The following DMD variants were observed in gnomAD, a reference collection of about 807,000 sequenced individuals.
DMD encodes the protein mutant dystrophin.
In DMD, 63 loss-of-function variants were observed where a neutral mutation model predicts 330.1. The observed-to-expected ratio is 0.19, with a 90% CI of 0.16 to 0.24. The LOEUF (loss-of-function observed/expected upper bound fraction) is 0.24, where lower values mean the gene tolerates loss of function less well. DMD is among the 10% of genes least tolerant of loss of function. DMD has a pLI of 1.00. For missense variants in DMD, 3,344 were observed against 2,684.1 expected, an observed-to-expected ratio of 1.25 and a Z score of -5.43; for synonymous variants, 1,223 against 959.8, an observed-to-expected ratio of 1.27 and a Z score of -5.07.
intron 7 of DMD, among the ~76,000 whole-genome samples, chrX:32,772,740 T>A (rs780541070): frequency 1.4e-4 from 16 of 111,664 alleles, no homozygotes; most frequent in Non-Finnish European, 2.3e-4. Flanking sequence ...TAATATAGGA[T>A]GTAATATAGG....
At chrX:33,101,969 T>G (rs2095243469) in intron 1 of DMD, among the ~76,000 whole-genome samples, 1 of 112,058 alleles carries the variant, frequency 8.9e-6, no homozygotes, top group Admixed American at 9.5e-5. Flanking sequence ...TTGATAAAAC[T>G]TTCAAAGAAG....
intron 2 of DMD, among the ~76,000 whole-genome samples, chrX:32,861,867 A>G (rs2149088194): frequency 9.0e-6 from 1 of 111,723 alleles, no homozygotes; most frequent in East Asian, 2.9e-4. Context: ...TAGACATGGA[A>G]GCAAATTTCC....
intron 77 of DMD, among the ~76,000 whole-genome samples, chrX:31,132,858 C>T (rs181254952): frequency 3.6e-4 from 37 of 101,617 alleles, no homozygotes; most frequent in African/African-American, 1.1e-3. Flanking sequence ...AATGGGGATG[C>T]GGGTGGCGGT....
At chrX:32,712,274 G>A (rs760960448) in intron 7 of DMD, among the ~76,000 whole-genome samples, 1 of 111,148 alleles carries the variant, frequency 9.0e-6, no homozygotes, top group African/African-American at 3.3e-5. Flanking sequence ...GGTGCCTATA[G>A]TCCAATGGTA....
chrX:32,169,640 T>C (rs1203600211), intron 44 of DMD, among the ~76,000 whole-genome samples: 1 of 111,516 alleles, frequency 9.0e-6, no homozygotes, highest in Admixed American at 9.6e-5. Context: ...TTACTAGAAG[T>C]AAAAGTTTTA....
chrX:31,347,200 G>A (rs753709425), intron 61 of DMD, among the ~76,000 whole-genome samples: 1 of 109,622 alleles, frequency 9.1e-6, no homozygotes, highest in South Asian at 4.0e-4. Flanking sequence ...GGGTATTTGA[G>A]GCATCCATTA....
At chrX:32,200,808 C>T (rs1417307205) in intron 44 of DMD, among the ~76,000 whole-genome samples, 4 of 111,619 alleles carry the variant, frequency 3.6e-5, no homozygotes, top group Admixed American at 1.9e-4. Context: ...TAGTACTAGC[C>T]GCATTTTAAG....
chrX:31,254,713 T>C (rs2049752609), intron 63 of DMD, among the ~76,000 whole-genome samples: 1 of 111,146 alleles, frequency 9.0e-6, no homozygotes, highest in African/African-American at 3.3e-5. Context: ...TAAATACTCT[T>C]GATTACTTAA....
At chrX:31,255,655 C>T (rs766569199) in intron 63 of DMD, among the ~76,000 whole-genome samples, 13 of 110,319 alleles carry the variant, frequency 1.2e-4, no homozygotes, top group Non-Finnish European at 2.3e-4. Context: ...CAGAGTTAGC[C>T]GAAAGGTACC....
chrX:32,307,600 T>C (rs2097545330), intron 42 of DMD, among the ~76,000 whole-genome samples: 1 of 111,760 alleles, frequency 8.9e-6, no homozygotes, highest in Non-Finnish European at 1.9e-5. Context: ...ATTAGGCATA[T>C]GGACACATGA....
intron 44 of DMD, among the ~76,000 whole-genome samples, chrX:32,091,187 A>C (rs2096472046): frequency 8.9e-6 from 1 of 112,056 alleles, no homozygotes; most frequent in Non-Finnish European, 1.9e-5. Flanking sequence ...CAGAATGTTA[A>C]AGAAAAGCTG....
intron 2 of DMD, among the ~76,000 whole-genome samples, chrX:32,867,064 G>A (rs900442151): frequency 4.5e-5 from 5 of 110,619 alleles, no homozygotes; most frequent in Admixed American, 9.6e-5. Context: ...GCTACCTTTC[G>A]TAAGACTTAG....
intron 44 of DMD, among the ~76,000 whole-genome samples, chrX:32,208,967 T>C (rs1163422290): frequency 9.0e-6 from 1 of 111,722 alleles, no homozygotes; most frequent in Non-Finnish European, 1.9e-5. Flanking sequence ...AACTTGGGGA[T>C]CATTTGTCTC....
intron 76 of DMD, among the ~76,000 whole-genome samples, chrX:31,143,968 A>G (rs2036387196): frequency 8.9e-6 from 1 of 112,316 alleles, no homozygotes; most frequent in Non-Finnish European, 1.9e-5. Context: ...GTCATTTACA[A>G]TCCCAACAGT....
chrX:31,221,928 C>T (rs941484019), intron 64 of DMD, among the ~76,000 whole-genome samples: 9 of 111,505 alleles, frequency 8.1e-5, no homozygotes, highest in African/African-American at 2.6e-4. Flanking sequence ...CGTGGTGGCT[C>T]ATGCCTGTAA....
At chrX:33,326,320 C>T (rs2054089027) in intron 1 of DMD, among the ~76,000 whole-genome samples, 1 of 109,918 alleles carries the variant, frequency 9.1e-6, no homozygotes, top group Non-Finnish European at 1.9e-5. Flanking sequence ...AAATCAATAA[C>T]CTGAAAAGTA....
intron 47 of DMD, among the ~76,000 whole-genome samples, chrX:31,920,694 T>C (rs1221622103): frequency 1.8e-5 from 2 of 112,405 alleles, no homozygotes; most frequent in Admixed American, 1.9e-4. Flanking sequence ...TCCTTTCTCT[T>C]TTCATCATCA....
chrX:32,460,978 T>G (rs1167640671), intron 25 of DMD, among the ~76,000 whole-genome samples: 1 of 111,898 alleles, frequency 8.9e-6, no homozygotes, highest in Non-Finnish European at 1.9e-5. Context: ...TTTTTAGAAA[T>G]AGCTAGAATC....
At chrX:32,890,430 G>A (rs1418922766) in intron 2 of DMD, among the ~76,000 whole-genome samples, 1 of 105,075 alleles carries the variant, frequency 9.5e-6, no homozygotes, top group South Asian at 4.7e-4. Context: ...TAGATATTAA[G>A]GCCTGTGGGG....
Sources: gnomAD v4.1 joint callset for allele counts (sites outside exome capture counted in the v4.1 genomes callset) on GRCh38, gnomAD v4.1.1 for gene constraint, MANE v1.5 for transcripts, NCBI Gene and HGNC (gene_info 2026-07-23, HGNC 2026-07-21) for gene names.